PAQR5: variants seen among roughly 807,000 people sequenced by gnomAD.
PAQR5 encodes progestin and adipoQ receptor family member 5, also known as membrane progestin receptor gamma.
PAQR5 carries 20 observed loss-of-function variants against 34.5 expected under a neutral mutation model. The observed-to-expected ratio is 0.58, with a 90% confidence interval of 0.41 to 0.84. PAQR5 has a LOEUF of 0.84. PAQR5 is among the 40% of genes least tolerant of loss of function. The probability of loss-of-function intolerance (pLI) is 0.00; values close to 1 mark genes in which losing one functional copy is unlikely to be tolerated. For missense variants in PAQR5, 378 were observed against 412.7 expected (o/e 0.92, Z 0.73); for synonymous variants, 131 against 155.6 (o/e 0.84, Z 1.18).
chr15:69,389,578 T>G (rs2056199089), intron 5 of PAQR5, 76 bp from the exon 6 acceptor site: 1 of 1,587,484 alleles, frequency 6.3e-7, no homozygotes. Context: ...AGCCAGATGC[T>G]GGGGACAGTC....
intron 3 of PAQR5, among the ~76,000 whole-genome samples, chr15:69,364,440 A>G (rs909166705): frequency 4.1e-5 from 6 of 147,942 alleles, no homozygotes; most frequent in Non-Finnish European, 3.0e-5. Flanking sequence ...AAACAAATAT[A>G]TATATATATT....
chr15:69,358,274 A>C (rs935887866), intron 2 of PAQR5, among the ~76,000 whole-genome samples: 6 of 152,142 alleles, frequency 3.9e-5, no homozygotes, highest in Non-Finnish European at 1.5e-5. Flanking sequence ...GCATTTAAGC[A>C]ATCTTGTTAC....
Position 69,385,799 on chromosome 15 carries a change from A to C in PAQR5, c.385+917A>C, listed in dbSNP as rs111958459. Among the ~76,000 whole-genome samples the C allele has an allele frequency of 6.6e-6, 1 of 151,678 alleles. No homozygotes were observed. Among genetic ancestry groups the C allele is most frequent in the African/African-American group, 2.4e-5 (1 of 41,230 alleles). ...ACACACACTGACACACACACATACA[A>C]TGCACTCACACATGCACATACACAC... On this transcript the variant is annotated intron_variant, in intron 5 of 8. Transcript: ENST00000395407. The surrounding 1 kb of genome is among the most constrained non-coding windows in gnomAD (Gnocchi z 4.7).
chr15:69,300,454 G>A, intron 1 of PAQR5, among the ~76,000 whole-genome samples: 1 of 151,998 alleles, frequency 6.6e-6, no homozygotes, highest in East Asian at 1.9e-4. Flanking sequence ...TGAAAAGTTG[G>A]ATCAGAAAGG....
intron 8 of PAQR5, 62 bp downstream of exon 8, chr15:69,400,177 C>G (rs2056580086): frequency 6.6e-7 from 1 of 1,521,628 alleles, no homozygotes; most frequent in East Asian, 2.3e-5. Flanking sequence ...GGGTCCTGTC[C>G]CTGACTCCAG....
chr15:69,310,072 C>T (rs777707234), intron 1 of PAQR5, among the ~76,000 whole-genome samples: 6 of 151,284 alleles, frequency 4.0e-5, no homozygotes, highest in Admixed American at 1.3e-4. Flanking sequence ...AAAAACAAAA[C>T]GAAACAACAA....
chr15:69,313,814 C>T (rs1381945501), intron 1 of PAQR5, among the ~76,000 whole-genome samples: 1 of 152,010 alleles, frequency 6.6e-6, no homozygotes, highest in African/African-American at 2.4e-5. Flanking sequence ...AGGAAAGGGA[C>T]AGGAGGCAAT....
At position 69,376,325 on chromosome 15, in the gene PAQR5, T is replaced by C. The variant is rs540877680; in HGVS notation, c.52-3558T>C. ...CTGGGTTTAGAATACAAAATTGTCTTCAAATATTAGTTTGTCCTTTCAATG... is the reference window on the plus strand; with the variant it reads ...CTGGGTTTAGAATACAAAATTGTCTCCAAATATTAGTTTGTCCTTTCAATG... On this transcript the variant is annotated intron_variant, in intron 3 of 8. Transcript: ENST00000395407. Among the ~76,000 whole-genome samples the C allele has an allele frequency of 2.5e-3, 381 of 151,900 alleles. 2 individuals are homozygous for C. Among genetic ancestry groups the C allele is most frequent in the African/African-American group, 9.1e-3 (373 of 41,152 alleles).
chr15:69,394,112 G>GT (rs2056346192), intron 6 of PAQR5, among the ~76,000 whole-genome samples: 1 of 147,098 alleles, frequency 6.8e-6, no homozygotes, highest in Non-Finnish European at 1.5e-5. Context: ...TTTTTTTTTT[G>GT]TTTTTTGTTT....
intron 2 of PAQR5, among the ~76,000 whole-genome samples, chr15:69,347,241 A>G (rs1359676963): frequency 2.0e-5 from 3 of 152,176 alleles, no homozygotes; most frequent in African/African-American, 7.2e-5. Context: ...GAAATCTCCC[A>G]CTTTTGAAAC....
intron 6 of PAQR5, chr15:69,391,150 C>A (rs900554466): frequency 2.6e-5 from 4 of 152,738 alleles, no homozygotes; most frequent in Non-Finnish European, 5.9e-5. Context: ...CTCCACTTGC[C>A]CCCCTCTCCC....
At chr15:69,391,605 A>G (rs187877829) in intron 6 of PAQR5, 100 of 455,124 alleles carry the variant, frequency 2.2e-4, no homozygotes, top group African/African-American at 1.9e-3. Flanking sequence ...GAACCTGGAC[A>G]CTCTTGGACC....
intron 5 of PAQR5, among the ~76,000 whole-genome samples, chr15:69,389,279 G>A (rs1460636943): frequency 6.6e-6 from 1 of 152,266 alleles, no homozygotes; most frequent in Non-Finnish European, 1.5e-5. Context: ...GTCTGGGTTT[G>A]AAACCCATCT....
Position 69,400,054 on chromosome 15 carries a change from CTCTT to C in PAQR5, c.695_698del (p.Phe232CysfsTer10). ...AGCACATGATCATGACCCTCCTGGC[CTCTT>C]TCTTGTACTCTGCACATCTGCCAGA... On this transcript the variant is annotated frameshift_variant, in exon 8 of 9. Coordinates refer to ENST00000395407, the MANE Select transcript of PAQR5 (RefSeq NM_017705.4). LOFTEE classifies it high-confidence loss of function. The C allele has an allele frequency of 6.2e-7, 1 of 1,614,230 alleles. No individual in the cohort carries two copies. The highest frequency in any genetic ancestry group is 2.2e-5 in the East Asian group (1 of 44,888).
At chr15:69,313,130 G>A (rs960749753) in intron 1 of PAQR5, among the ~76,000 whole-genome samples, 1 of 152,098 alleles carries the variant, frequency 6.6e-6, no homozygotes, top group Admixed American at 6.5e-5. Context: ...TGTTGTATGT[G>A]TTTTACCTCC....
At chr15:69,370,812 T>G (rs1387793132) in intron 3 of PAQR5, among the ~76,000 whole-genome samples, 4 of 152,138 alleles carry the variant, frequency 2.6e-5, no homozygotes, top group African/African-American at 4.8e-5. Flanking sequence ...TGAACCACTG[T>G]GCCAGGCCTG....
chr15:69,391,590 T>TC, intron 6 of PAQR5: 1 of 453,426 alleles, frequency 2.2e-6, no homozygotes, highest in South Asian at 1.6e-5. Flanking sequence ...CTGGCCATGG[T>TC]CCAGGAACCT....
chr15:69,360,389 C>T (rs1324762090), intron 3 of PAQR5, among the ~76,000 whole-genome samples: 3 of 152,204 alleles, frequency 2.0e-5, no homozygotes, highest in Admixed American at 1.3e-4. Flanking sequence ...AAAGTCATTA[C>T]TGAGATTCAA....
Position 69,397,893 on chromosome 15 carries a change from G to A in PAQR5, c.609+329G>A, listed in dbSNP as rs2056497748. The stretch of plus-strand genomic sequence containing the variant: ...GTGCTGCCTTGGTGGCACTTGAGGA[G>A]TGGTTAGGAGATGACATAAGCACAG... On this transcript the variant is annotated intron_variant, in intron 7 of 8. Coordinates refer to ENST00000395407, the MANE Select transcript of PAQR5 (RefSeq NM_017705.4). 8.6e-6 allele frequency: 3 copies of A among 349,830 alleles called. No homozygotes were observed. The South Asian group carries it at 1.0e-4, about 12-fold the overall frequency. 21.7% of individuals were successfully genotyped at this position (349,830 alleles called of 1,614,324 possible). A position where few individuals can be genotyped will look rare whatever the true frequency, so the allele number is the denominator to read the frequency against.
Sources: allele counts gnomAD v4.1 joint callset (sites outside exome capture counted in the v4.1 genomes callset), GRCh38; gene constraint gnomAD v4.1.1; non-coding constraint Gnocchi (gnomAD v3.1); transcripts MANE v1.5; gene names NCBI Gene and HGNC (gene_info 2026-07-23, HGNC 2026-07-21).